The following ZNF717 variants were observed in gnomAD, a reference collection of about 807,000 sequenced individuals.
ZNF717 encodes krueppel-like factor X17.
Under a neutral mutation model 13.8 loss-of-function variants are expected in ZNF717, and 9 were observed. That is an observed-to-expected ratio of 0.65 (90% CI 0.39 to 1.14). ZNF717 has a LOEUF of 1.14. Ranked by LOEUF, ZNF717 falls within the 50% of genes most tolerant of loss-of-function variation. ZNF717 has a pLI of 0.01. For missense variants in ZNF717, 1,040 were observed against 1,080.7 expected (o/e 0.96, Z 0.53); for synonymous variants, 327 against 364.1 (o/e 0.90, Z 1.16).
At chr3:75,734,719 G>C (rs1393601295), downstream of ZNF717, among the ~76,000 whole-genome samples, 2 of 145,028 alleles carry the variant, frequency 1.4e-5, no homozygotes, top group Non-Finnish European at 3.0e-5. Flanking sequence ...ACAGGCATAA[G>C]CCACCGTACC....
intron 2 of ZNF717, among the ~76,000 whole-genome samples, chr3:75,750,011 G>A (rs1267681419): frequency 1.3e-5 from 2 of 151,206 alleles, no homozygotes; most frequent in Non-Finnish European, 2.9e-5. Context: ...TGCTGCTGGG[G>A]TCTGAATATT....
At chr3:75,775,402 T>C (rs1426112738) in intron 2 of ZNF717, among the ~76,000 whole-genome samples, 2 of 152,256 alleles carry the variant, frequency 1.3e-5, no homozygotes, top group Non-Finnish European at 1.5e-5. Context: ...TTCACAAGCA[T>C]GCAAAATTCT....
At chr3:75,749,221 G>A (rs1941455651) in intron 2 of ZNF717, among the ~76,000 whole-genome samples, 3 of 151,386 alleles carry the variant, frequency 2.0e-5, no homozygotes, top group African/African-American at 7.3e-5. Flanking sequence ...CCCTCACATA[G>A]GCTTCCAGAC....
intron 6 of ZNF717, among the ~76,000 whole-genome samples, chr3:75,700,869 A>G: frequency 6.6e-6 from 1 of 152,312 alleles, no homozygotes; most frequent in African/African-American, 2.4e-5. Flanking sequence ...TCTTTAGGGC[A>G]TTGGTTTGGG....
At chr3:75,705,074 G>T (rs1575712833), downstream of ZNF717, among the ~76,000 whole-genome samples, 1 of 139,750 alleles carries the variant, frequency 7.2e-6, no homozygotes, top group South Asian at 2.3e-4. Context: ...TTTCTTAACA[G>T]TTTTCTCTCA....
intron 6 of ZNF717, among the ~76,000 whole-genome samples, chr3:75,697,417 C>A (rs1337480193): frequency 6.7e-4 from 101 of 150,610 alleles, no homozygotes; most frequent in African/African-American, 2.4e-3. Flanking sequence ...AATGGCTTAG[C>A]ACCATCCCAT....
chr3:75,709,678 A>G (rs1346330046), exon 6 of ZNF717: 2 of 152,138 alleles, frequency 1.3e-5, no homozygotes, highest in Non-Finnish European at 2.9e-5. Flanking sequence ...CAAGGTTGTA[A>G]TTTTTGTAGA....
At chr3:75,753,589 G>C (rs1007736798) in intron 2 of ZNF717, among the ~76,000 whole-genome samples, 2 of 148,182 alleles carry the variant, frequency 1.3e-5, no homozygotes, top group Non-Finnish European at 3.0e-5. Flanking sequence ...GCGAGTGTCT[G>C]AATGTTTGTC....
downstream of ZNF717, among the ~76,000 whole-genome samples, chr3:75,709,483 AC>A (rs1455037744): frequency 2.6e-5 from 4 of 152,238 alleles, no homozygotes; most frequent in Middle Eastern, 3.2e-3. Context: ...CACCCAAATC[AC>A]ATGAAACACA....
intron 5 of ZNF717, among the ~76,000 whole-genome samples, chr3:75,715,032 C>A (rs1293660548): frequency 6.6e-6 from 1 of 152,128 alleles, no homozygotes; most frequent in Non-Finnish European, 1.5e-5. Context: ...TTATAAAAGA[C>A]AGTTGAACCC....
At position 75,704,059 on chromosome 3, in the gene ZNF717, G is replaced by C. The variant is rs1937750621; in HGVS notation, n.1085+7128C>G. Reference sequence around the variant, plus strand: ...AGCTAGCTTAGGACAGTGGGTTAATGGTCATTGTTAAAACCAATAGCCTTG... The same window carrying C: ...AGCTAGCTTAGGACAGTGGGTTAATCGTCATTGTTAAAACCAATAGCCTTG... On this transcript the variant is annotated intron_variant and non_coding_transcript_variant, in intron 6 of 6. Coordinates refer to the ZNF717 transcript ENST00000648506. 2.0e-5 allele frequency among the ~76,000 whole-genome samples: 3 copies of C among 152,424 alleles called. No homozygotes were observed. The South Asian group carries it at 6.2e-4, about 32-fold the overall frequency.
chr3:75,771,237 C>T (rs1050812475), intron 2 of ZNF717, among the ~76,000 whole-genome samples: 5 of 152,108 alleles, frequency 3.3e-5, no homozygotes, highest in East Asian at 1.9e-4. Context: ...TGTTTCTGGA[C>T]CTCACTGCTG....
intron 2 of ZNF717, among the ~76,000 whole-genome samples, chr3:75,771,686 T>A (rs1943891078): frequency 6.6e-6 from 1 of 152,216 alleles, no homozygotes; most frequent in Admixed American, 6.5e-5. Flanking sequence ...TGTGCGCTCC[T>A]CGAAGCTGGT....
chr3:75,773,473 T>G (rs796279376), intron 2 of ZNF717, among the ~76,000 whole-genome samples: 1,354 of 126,582 alleles, frequency 0.011, no homozygotes, highest in South Asian at 0.05. Flanking sequence ...CAGAAGCTTC[T>G]AAAAAGATTT....
chr3:75,781,657 T>C (rs1272358589), intron 2 of ZNF717, among the ~76,000 whole-genome samples: 1 of 152,054 alleles, frequency 6.6e-6, no homozygotes, highest in Non-Finnish European at 1.5e-5. Context: ...CAAGGGCTCC[T>C]TACCCACTCC....
chr3:75,757,309 A>G (rs1171185458), intron 2 of ZNF717, among the ~76,000 whole-genome samples: 1 of 152,220 alleles, frequency 6.6e-6, no homozygotes, highest in African/African-American at 2.4e-5. Context: ...GGGCTAATGC[A>G]TCTGGTGATG....
chr3:75,761,200 A>G (rs1942975883), intron 2 of ZNF717, among the ~76,000 whole-genome samples: 1 of 152,254 alleles, frequency 6.6e-6, no homozygotes, highest in African/African-American at 2.4e-5. Flanking sequence ...GGAGAATTTT[A>G]CCAAACATTT....
intron 2 of ZNF717, among the ~76,000 whole-genome samples, chr3:75,758,274 T>C (rs1251300015): frequency 1.3e-5 from 2 of 152,080 alleles, no homozygotes; most frequent in African/African-American, 4.8e-5. Flanking sequence ...CCTGAAGATA[T>C]GGTGAGACTG....
At position 75,783,568 on chromosome 3, in the gene ZNF717, A is replaced by T. The variant is rs1039402858; in HGVS notation, c.-2-204T>A. On this transcript the variant is annotated intron_variant, in intron 1 of 4. Transcript: ENST00000652011. ...GATAAGATACATCTACAAGTACATTAATTGGTAGACATTAGATGCACAATT... is the reference window on the plus strand; with the variant it reads ...GATAAGATACATCTACAAGTACATTTATTGGTAGACATTAGATGCACAATT... Among the ~76,000 whole-genome samples, 23 of 152,254 alleles carry T rather than the reference A, an allele frequency of 1.5e-4. 1 individual carries two copies. The highest frequency in any genetic ancestry group is 5.5e-4 in the African/African-American group (23 of 41,462).
Sources: gnomAD v4.1 joint callset for allele counts (sites outside exome capture counted in the v4.1 genomes callset) on GRCh38, gnomAD v4.1.1 for gene constraint, MANE v1.5 for transcripts, NCBI Gene and HGNC (gene_info 2026-07-23, HGNC 2026-07-21) for gene names.